The following DDI2 variants were observed in gnomAD, a reference collection of about 807,000 sequenced individuals.
DDI2 encodes DDI proteasomal shuttling factor 2.
In DDI2, 5 loss-of-function variants were observed where a neutral mutation model predicts 48.1. The ratio of observed to expected loss-of-function variants is 0.10; its 90% CI spans 0.05 to 0.22. The LOEUF (loss-of-function observed/expected upper bound fraction) is 0.22, where lower values mean the gene tolerates loss of function less well. DDI2 is among the 10% of genes least tolerant of loss of function. The pLI is 1.00. For missense variants in DDI2, 285 were observed against 506.2 expected (o/e 0.56, Z 4.19); for synonymous variants, 205 against 183.6 (o/e 1.12, Z -0.94).
intron 1 of DDI2, among the ~76,000 whole-genome samples, chr1:15,622,781 C>T (rs960440081): frequency 6.6e-6 from 1 of 152,128 alleles, no homozygotes; most frequent in Non-Finnish European, 1.5e-5. Context: ...AATTGTCTTT[C>T]TTGGACTCTT....
At chr1:15,649,444 G>A (rs111962633) in intron 6 of DDI2, among the ~76,000 whole-genome samples, 4,631 of 152,244 alleles carry the variant, frequency 0.03, 88 homozygotes, top group Non-Finnish European at 0.046. Context: ...GCCAAGGTGG[G>A]CAGATAACCT....
chr1:15,630,351 A>G lies in DDI2; in HGVS notation c.295A>G (p.Ile99Val), dbSNP rs768110369. ...PNLPRIDFSSIAVPGTSSPRQ... is the reference protein window; with the variant it reads ...PNLPRIDFSSVAVPGTSSPRQ... ...CTTACCCCGAATAGATTTCAGTAGT[A>G]TAGCTGTGCCTGGCACATCAAGTCC... is the stretch of plus-strand genomic sequence containing the variant. The change falls in exon 3 of 10, where the codon ATA becomes GTA. Residue 99 changes from isoleucine to valine, a missense_variant. Physicochemically the swap from Ile to Val is conservative, Grantham distance 29. Transcript: ENST00000480945. 1.2e-6 allele frequency: 2 copies of G among 1,614,220 alleles called. No individual in the cohort carries two copies. The highest frequency in any genetic ancestry group is 1.7e-6 in the Non-Finnish European group (2 of 1,180,044).
intron 2 of DDI2, among the ~76,000 whole-genome samples, chr1:15,629,617 C>A (rs896436404): frequency 1.3e-5 from 2 of 148,286 alleles, no homozygotes; most frequent in East Asian, 2.0e-4. Context: ...AAAAAAAATT[C>A]TTTAATCCAA....
chr1:15,623,393 T>C (rs890548658), intron 1 of DDI2, among the ~76,000 whole-genome samples: 79 of 148,128 alleles, frequency 5.3e-4, no homozygotes, highest in African/African-American at 1.9e-3. Context: ...TCTTCTTTTT[T>C]TTTTTTTTTT....
At chr1:15,642,430 G>T (rs1380411681) in intron 5 of DDI2, among the ~76,000 whole-genome samples, 3 of 152,088 alleles carry the variant, frequency 2.0e-5, no homozygotes, top group Non-Finnish European at 4.4e-5. Context: ...CCCAGTGTGG[G>T]GTTTTTGTTT....
intron 2 of DDI2, among the ~76,000 whole-genome samples, chr1:15,629,217 A>G (rs1639805388): frequency 6.6e-6 from 1 of 152,212 alleles, no homozygotes; most frequent in Admixed American, 6.5e-5. Context: ...GAGAACTATT[A>G]AGAACTTCCC....
chr1:15,647,084 A>G (rs1309542495), intron 6 of DDI2, among the ~76,000 whole-genome samples: 3 of 152,180 alleles, frequency 2.0e-5, no homozygotes, highest in East Asian at 1.9e-4. Context: ...ATTTAAATAA[A>G]TGAATAAATG....
intron 5 of DDI2, among the ~76,000 whole-genome samples, chr1:15,640,556 C>A (rs1258529724): frequency 6.6e-6 from 1 of 152,196 alleles, no homozygotes; most frequent in Non-Finnish European, 1.5e-5. Flanking sequence ...CACATTCTCA[C>A]TCTGACCGAG....
intron 5 of DDI2, among the ~76,000 whole-genome samples, chr1:15,639,238 G>A (rs992112987): frequency 6.6e-6 from 1 of 151,914 alleles, no homozygotes; most frequent in Non-Finnish European, 1.5e-5. Context: ...TTGCTTTTTA[G>A]TAAGACTACA....
In DDI2 at chr1:15,644,113, C is replaced by T. The variant is rs146244019; in HGVS notation, c.889+463C>T. ...ACTTGGTTTCTTGCGTAGTATTCAT[C>T]CCAGACATTTCCTAATTATGTAAAT... On this transcript the variant is annotated intron_variant, in intron 6 of 9. Transcript: ENST00000480945. 4.3e-3 allele frequency among the ~76,000 whole-genome samples: 654 copies of T among 152,240 alleles called. 7 individuals are homozygous for T. The highest frequency in any genetic ancestry group is 0.014 in the African/African-American group (579 of 41,540).
At chr1:15,631,773 G>T (rs1639847025) in intron 3 of DDI2, among the ~76,000 whole-genome samples, 2 of 151,674 alleles carry the variant, frequency 1.3e-5, no homozygotes, top group African/African-American at 4.8e-5. Context: ...CATGTATATG[G>T]AATAATAGAG....
At chr1:15,650,099 T>A (rs1383472016) in intron 7 of DDI2, among the ~76,000 whole-genome samples, 1 of 152,204 alleles carries the variant, frequency 6.6e-6, no homozygotes, top group Non-Finnish European at 1.5e-5. Context: ...ATTTTCAGAT[T>A]CTGGTTAGAT....
Position 15,665,399 on chromosome 1 carries a change from C to G in DDI2, c.*5609C>G, listed in dbSNP as rs563859279. On this transcript the variant is annotated 3_prime_UTR_variant, in exon 10 of 10. Coordinates refer to ENST00000480945, the MANE Select transcript of DDI2 (RefSeq NM_032341.5). ...TGTCTTCATATGTACTAAAGGGAGACACAACCCTATGTGTTTTTTCCCAAA... is the reference window on the plus strand; with the variant it reads ...TGTCTTCATATGTACTAAAGGGAGAGACAACCCTATGTGTTTTTTCCCAAA... 6.6e-6 allele frequency: 1 copy of G among 152,092 alleles called. No individual in the cohort carries two copies. The highest frequency in any genetic ancestry group is 2.4e-5 in the African/African-American group (1 of 41,404). The allele number at this position is 152,092 out of a possible 1,614,324, so 9.4% of individuals were successfully genotyped here. A position where few individuals can be genotyped will look rare whatever the true frequency, so the allele number is the denominator to read the frequency against.
In DDI2 at chr1:15,665,295, T is replaced by A. The variant is rs1413328420; in HGVS notation, c.*5505T>A. 6.6e-6 allele frequency: 1 copy of A among 152,648 alleles called. No homozygotes were observed. The highest frequency in any genetic ancestry group is 1.4e-5 in the Non-Finnish European group (1 of 69,572). The allele number at this position is 152,648 out of a possible 1,614,324, so 9.5% of individuals were successfully genotyped here. On this transcript the variant is annotated 3_prime_UTR_variant, in exon 10 of 10. Coordinates refer to ENST00000480945, the MANE Select transcript of DDI2 (RefSeq NM_032341.5). ...AAAAAAAAAAAGGTAACCAGTTGCTTGGCAAAGGAAGCTGGAGAGATGGCG... is the reference window on the plus strand; with the variant it reads ...AAAAAAAAAAAGGTAACCAGTTGCTAGGCAAAGGAAGCTGGAGAGATGGCG...
At chr1:15,627,474 T>A (rs1460562299) in intron 2 of DDI2, among the ~76,000 whole-genome samples, 1 of 152,222 alleles carries the variant, frequency 6.6e-6, no homozygotes, top group East Asian at 1.9e-4. Flanking sequence ...GAAACGTTTA[T>A]CTATCTTTGA....
rs772832698 is a variant in DDI2, at chr1:15,643,511, T to G, written c.761-11T>G. 5 of 1,609,614 alleles carry G rather than the reference T, an allele frequency of 3.1e-6. No individual in the cohort carries two copies. The South Asian group carries it at 4.4e-5, about 14-fold the overall frequency. Reference sequence around the variant, plus strand: ...TTGTTTTTATTGTCTGATGTTTCTCTACTCCTCCAGGTGCCCAGATGACTA... The same window carrying G: ...TTGTTTTTATTGTCTGATGTTTCTCGACTCCTCCAGGTGCCCAGATGACTA... On this transcript the variant is annotated splice_polypyrimidine_tract_variant and intron_variant, in intron 5 of 9. Transcript: ENST00000480945.
rs576872522 is a variant in DDI2, at chr1:15,631,908, C to T, written c.505+1347C>T. 7.2e-5 allele frequency among the ~76,000 whole-genome samples: 11 copies of T among 152,060 alleles called. No individual in the cohort carries two copies. In the South Asian group the frequency reaches 1.2e-3, roughly 17 times the overall value. ...GCAACCTTCGCCTCCTGGGTTCAAG[C>T]GATTCTCCCGCCTCAGTGTCCCAAG... On this transcript the variant is annotated intron_variant, in intron 3 of 9. Transcript: ENST00000480945.
rs148261991 is a variant in DDI2 at position 15,624,814 on chromosome 1, C to T, written c.139-1855C>T. Among the ~76,000 whole-genome samples the T allele has an allele frequency of 2.2e-3, 330 of 152,214 alleles. 2 individuals carry two copies. Among genetic ancestry groups the T allele is most frequent in the African/African-American group, 7.8e-3 (322 of 41,516 alleles). On this transcript the variant is annotated intron_variant, in intron 1 of 9. Transcript: ENST00000480945. ...TTTTTCACAAAAGAAAATTTGCAAC[C>T]TCTGGCCTAAATGGGTTAAGTGATG...
In DDI2 at chr1:15,668,256, C is replaced by T. The variant is rs2148313674; in HGVS notation, c.*8466C>T. The T allele has an allele frequency of 6.6e-6, 1 of 152,258 alleles. No homozygotes were observed. The highest frequency in any genetic ancestry group is 2.4e-5 in the African/African-American group (1 of 41,534). 9.4% of individuals were successfully genotyped at this position (152,258 alleles called of 1,614,324 possible). A position where few individuals can be genotyped will look rare whatever the true frequency, so the allele number is the denominator to read the frequency against. On this transcript the variant is annotated 3_prime_UTR_variant, in exon 10 of 10. Transcript: ENST00000480945. ...TTCCCGAGGCAGGCTGATTCGTTTCCTGATTCCTTCTGTCTGAGATTACCT... is the reference window on the plus strand; with the variant it reads ...TTCCCGAGGCAGGCTGATTCGTTTCTTGATTCCTTCTGTCTGAGATTACCT...
Sources: allele counts gnomAD v4.1 joint callset (sites outside exome capture counted in the v4.1 genomes callset), GRCh38; gene constraint gnomAD v4.1.1; transcripts MANE v1.5; gene names NCBI Gene and HGNC (gene_info 2026-07-23, HGNC 2026-07-21).